The following NXPE2 variants were observed in gnomAD, a reference collection of about 807,000 sequenced individuals.
NXPE2 encodes neurexophilin and PC-esterase domain family member 2.
NXPE2 carries 34 observed loss-of-function variants against 34.4 expected under a neutral mutation model. The ratio of observed to expected loss-of-function variants is 0.99; its 90% CI spans 0.75 to 1.31. NXPE2 has a LOEUF of 1.31. NXPE2 is among the 40% of genes most tolerant of loss of function. NXPE2 has a pLI of 0.00. For synonymous variants in NXPE2, 235 were observed against 231.3 expected (o/e 1.02, Z -0.15); for missense variants, 649 against 672.5 (o/e 0.97, Z 0.39).
At chr11:114,798,825 C>T in the NXPE2 span, among the ~76,000 whole-genome samples, 3 of 152,308 alleles carry the variant, frequency 2.0e-5, no homozygotes, top group South Asian at 6.2e-4. Flanking sequence ...CCTTGATCTT[C>T]CTGTCTTGAC....
the NXPE2 span, among the ~76,000 whole-genome samples, chr11:114,663,849 A>T: frequency 2.0e-5 from 3 of 152,148 alleles, no homozygotes; most frequent in African/African-American, 7.2e-5. Flanking sequence ...ATATAAAAAG[A>T]TGCTCAGCAT....
chr11:114,713,331 C>G, the NXPE2 span, among the ~76,000 whole-genome samples: 4 of 152,242 alleles, frequency 2.6e-5, no homozygotes, highest in South Asian at 8.3e-4. Flanking sequence ...CTTTTAAAAA[C>G]CCTCATGTAT....
At chr11:114,565,063 AG>A in the NXPE2 span, among the ~76,000 whole-genome samples, 1 of 152,242 alleles carries the variant, frequency 6.6e-6, no homozygotes, top group Non-Finnish European at 1.5e-5. Context: ...TCCTGGCAAC[AG>A]GAACAGTACA....
At chr11:114,761,757 G>C in the NXPE2 span, among the ~76,000 whole-genome samples, 2 of 151,170 alleles carry the variant, frequency 1.3e-5, no homozygotes, top group African/African-American at 4.9e-5. Context: ...TGTATTTTTA[G>C]TAGAGACGGG....
the NXPE2 span, among the ~76,000 whole-genome samples, chr11:114,587,266 C>T: frequency 1.1e-4 from 16 of 152,286 alleles, no homozygotes; most frequent in South Asian, 2.5e-3. Context: ...TTGGTTCCTA[C>T]GTTCTTTTAA....
chr11:114,727,785 ACACACACACACACACACAC>A, the NXPE2 span, among the ~76,000 whole-genome samples: 13 of 149,660 alleles, frequency 8.7e-5, no homozygotes, highest in East Asian at 2.5e-3. Context: ...ACACACACAC[ACACACACACACACACACAC>A]ACACACACAC....
chr11:114,522,972 T>G, the NXPE2 span: 1 of 1,613,636 alleles, frequency 6.2e-7, no homozygotes, highest in Non-Finnish European at 8.5e-7. Context: ...CCATTTATCT[T>G]AATTGTGTCT....
chr11:114,720,715 A>G, the NXPE2 span, among the ~76,000 whole-genome samples: 1 of 152,230 alleles, frequency 6.6e-6, no homozygotes, highest in Admixed American at 6.5e-5. Flanking sequence ...TATTAAGTTA[A>G]AATATGTTAT....
At chr11:114,616,482 G>A in the NXPE2 span, among the ~76,000 whole-genome samples, 7 of 151,356 alleles carry the variant, frequency 4.6e-5, no homozygotes, top group African/African-American at 1.7e-4. Context: ...GTGTTGCCTC[G>A]AGGGTAACCA....
At chr11:114,635,506 A>T in the NXPE2 span, among the ~76,000 whole-genome samples, 50 of 151,954 alleles carry the variant, frequency 3.3e-4, no homozygotes, top group Middle Eastern at 3.2e-3. Context: ...ACTCTGATGA[A>T]TAGGAGTGGT....
the NXPE2 span, among the ~76,000 whole-genome samples, chr11:114,748,732 G>C: frequency 6.6e-6 from 1 of 152,122 alleles, no homozygotes; most frequent in Non-Finnish European, 1.5e-5. Flanking sequence ...ACTTGAATGA[G>C]ATGGTATCTG....
the NXPE2 span, among the ~76,000 whole-genome samples, chr11:114,491,168 C>CAAA: frequency 1.9e-5 from 1 of 53,582 alleles, no homozygotes; most frequent in African/African-American, 1.1e-4. Flanking sequence ...GACTCCGTCT[C>CAAA]AAAAAAAAAA....
the NXPE2 span, among the ~76,000 whole-genome samples, chr11:114,669,674 T>C: frequency 6.6e-6 from 1 of 152,076 alleles, no homozygotes; most frequent in Non-Finnish European, 1.5e-5. Flanking sequence ...TCTGGAGCAA[T>C]GGCAGAAGTT....
At chr11:114,476,982 C>T in the NXPE2 span, among the ~76,000 whole-genome samples, 1 of 152,174 alleles carries the variant, frequency 6.6e-6, no homozygotes, top group East Asian at 1.9e-4. Flanking sequence ...TCTATCATTC[C>T]ACTTCTAGGA....
chr11:114,606,395 A>G, the NXPE2 span, among the ~76,000 whole-genome samples: 2 of 151,940 alleles, frequency 1.3e-5, no homozygotes, highest in African/African-American at 4.8e-5. Flanking sequence ...ATGGGTAACC[A>G]CTGTTACCCG....
chr11:114,561,666 C>T, the NXPE2 span, among the ~76,000 whole-genome samples: 1 of 152,144 alleles, frequency 6.6e-6, no homozygotes, highest in Admixed American at 6.6e-5. Context: ...CATCCAATGT[C>T]ATTTATGAAA....
the NXPE2 span, among the ~76,000 whole-genome samples, chr11:114,569,770 A>C: frequency 6.6e-6 from 1 of 152,278 alleles, no homozygotes; most frequent in South Asian, 2.1e-4. Context: ...AGTGAAATCA[A>C]CTATAAGCTA....
the NXPE2 span, among the ~76,000 whole-genome samples, chr11:114,793,787 T>G: frequency 6.6e-6 from 1 of 152,332 alleles, no homozygotes; most frequent in East Asian, 1.9e-4. Context: ...ACAGAATCAC[T>G]GAAAGAGAAG....
At chr11:114,674,774 T>C (rs184236684), upstream of NXPE2, among the ~76,000 whole-genome samples, 36 of 151,884 alleles carry the variant, frequency 2.4e-4, no homozygotes, top group African/African-American at 8.7e-4. Flanking sequence ...ACAATTGAAG[T>C]AAAGGGAATA....
Sources: gnomAD v4.1 joint callset for allele counts (sites outside exome capture counted in the v4.1 genomes callset) on GRCh38, gnomAD v4.1.1 for gene constraint, MANE v1.5 for transcripts, NCBI Gene and HGNC (gene_info 2026-07-23, HGNC 2026-07-21) for gene names.